The following INTS9 variants were observed in gnomAD, a reference collection of about 807,000 sequenced individuals.
The protein encoded by INTS9 is integrator complex subunit 9.
A neutral mutation model predicts 79.7 loss-of-function variants in INTS9; 55 were observed. The ratio of observed to expected loss-of-function variants is 0.69; its 90% confidence interval spans 0.56 to 0.86. The LOEUF (loss-of-function observed/expected upper bound fraction) is 0.86. Among genes scored for constraint, INTS9 ranks in the 40% least tolerant of loss-of-function variants. The pLI, the probability that INTS9 is intolerant of heterozygous loss-of-function variation, is 0.00. For missense variants in INTS9, 721 were observed against 831.5 expected (o/e 0.87, Z 1.64); for synonymous variants, 319 against 325.2 (o/e 0.98, Z 0.20).
rs76224608 is a variant in INTS9, at chr8:28,812,219, A to G, written c.744+108T>C. ...TACCTTGGCTAGAGAGTATCTGTAG[A>G]AAACCATATTTGGAAGATTTAAAAA... On this transcript the variant is annotated intron_variant, in intron 8 of 16. Coordinates refer to ENST00000521022, the MANE Select transcript of INTS9 (RefSeq NM_018250.4). 4.0e-3 allele frequency: 4,633 copies of G among 1,152,346 alleles called. 142 individuals carry two copies. The African/African-American group carries it at 0.064, about 16-fold the overall frequency. 71.4% of individuals were successfully genotyped at this position (1,152,346 alleles called of 1,614,324 possible). A position where few individuals can be genotyped will look rare whatever the true frequency, so the allele number is the denominator to read the frequency against.
At chr8:28,809,646 C>G (rs1461678512) in intron 8 of INTS9, among the ~76,000 whole-genome samples, 1 of 152,094 alleles carries the variant, frequency 6.6e-6, no homozygotes, top group Non-Finnish European at 1.5e-5. Context: ...TTGAACTAAG[C>G]AGGACAAATC....
intron 3 of INTS9, among the ~76,000 whole-genome samples, chr8:28,848,071 T>C (rs746168498): frequency 2.6e-5 from 4 of 152,236 alleles, no homozygotes; most frequent in Non-Finnish European, 5.9e-5. Flanking sequence ...TCTGCTACGA[T>C]GCCTCCTGAA....
At chr8:28,796,883 A>G (rs1804250274) in intron 8 of INTS9, 3 of 457,350 alleles carry the variant, frequency 6.6e-6, no homozygotes, top group South Asian at 3.7e-5. Context: ...CAAGTTCTGT[A>G]TCTTCACTGG....
At chr8:28,805,640 G>C (rs1804766311) in intron 8 of INTS9, among the ~76,000 whole-genome samples, 1 of 152,170 alleles carries the variant, frequency 6.6e-6, no homozygotes, top group Admixed American at 6.5e-5. Flanking sequence ...AGGGTATGAT[G>C]TGCAAAGGAA....
At chr8:28,796,293 G>C (rs1335114676) in intron 9 of INTS9, among the ~76,000 whole-genome samples, 2 of 152,218 alleles carry the variant, frequency 1.3e-5, no homozygotes, top group African/African-American at 2.4e-5. Flanking sequence ...CTGGGTGACA[G>C]AGAAGACTCT....
chr8:28,799,976 C>T (rs1804431350), intron 8 of INTS9, among the ~76,000 whole-genome samples: 1 of 152,194 alleles, frequency 6.6e-6, no homozygotes, highest in Non-Finnish European at 1.5e-5. Flanking sequence ...GCCTTTGGAA[C>T]ATCTCCCGGA....
At chr8:28,784,566 T>C (rs994439399) in intron 11 of INTS9, among the ~76,000 whole-genome samples, 24 of 152,234 alleles carry the variant, frequency 1.6e-4, no homozygotes, top group African/African-American at 5.5e-4. Flanking sequence ...AAACAGCAAT[T>C]ACATTTAAAG....
At chr8:28,813,690 C>T (rs1249835278) in intron 6 of INTS9, 78 bp from the exon 7 acceptor site, 1 of 1,498,524 alleles carries the variant, frequency 6.7e-7, no homozygotes, top group East Asian at 2.3e-5. Flanking sequence ...GTAATTTGTC[C>T]ATTTGATCCA....
intron 6 of INTS9, among the ~76,000 whole-genome samples, chr8:28,821,994 T>G (rs1456909026): frequency 3.3e-5 from 5 of 152,190 alleles, no homozygotes; most frequent in Admixed American, 3.3e-4. Flanking sequence ...CTCAAACTCC[T>G]GGACTCAAGC....
chr8:28,856,179 T>A (rs1370053854), intron 2 of INTS9, among the ~76,000 whole-genome samples: 1 of 152,142 alleles, frequency 6.6e-6, no homozygotes, highest in Non-Finnish European at 1.5e-5. Context: ...TGAAGAGAAG[T>A]GACTGGATTT....
chr8:28,864,193 A>C (rs1808607860), intron 1 of INTS9, among the ~76,000 whole-genome samples: 1 of 152,232 alleles, frequency 6.6e-6, no homozygotes, highest in African/African-American at 2.4e-5. Context: ...AAATAAAAAA[A>C]ATTAGCCAGG....
intron 16 of INTS9, among the ~76,000 whole-genome samples, chr8:28,768,573 C>T (rs887975511): frequency 1.3e-5 from 2 of 152,204 alleles, no homozygotes; most frequent in Non-Finnish European, 2.9e-5. Context: ...TTTGAGGGCA[C>T]GTCCAAGCAC....
Position 28,858,663 on chromosome 8 carries a change from G to A in INTS9, c.137+773C>T, listed in dbSNP as rs568329853. Among the ~76,000 whole-genome samples, 258 of 152,206 alleles carry A rather than the reference G, an allele frequency of 1.7e-3. 1 individual carries two copies. The highest frequency in any genetic ancestry group is 6.0e-3 in the African/African-American group (250 of 41,506). ...TGATAATTTTTCTAGATGGTTCATCGGGTTATCACTGTGAATAATCATTGT... is the reference window on the plus strand; with the variant it reads ...TGATAATTTTTCTAGATGGTTCATCAGGTTATCACTGTGAATAATCATTGT... On this transcript the variant is annotated intron_variant, in intron 2 of 16. Transcript: ENST00000521022.
At chr8:28,788,940 AAT>A (rs1412579945) in intron 10 of INTS9, among the ~76,000 whole-genome samples, 2 of 152,260 alleles carry the variant, frequency 1.3e-5, no homozygotes, top group East Asian at 3.8e-4. Flanking sequence ...CATTTAAAAA[AAT>A]AGTCACTACT....
intron 4 of INTS9, among the ~76,000 whole-genome samples, chr8:28,841,238 T>G (rs1325438826): frequency 6.6e-6 from 1 of 152,146 alleles, no homozygotes; most frequent in Non-Finnish European, 1.5e-5. Context: ...CAAGACAGTG[T>G]CCTCCTCATG....
intron 10 of INTS9, 98 bp from the exon 11 acceptor site, chr8:28,787,987 T>A (rs1212580780): frequency 1.5e-5 from 10 of 671,774 alleles, no homozygotes; most frequent in Middle Eastern, 2.5e-4. Context: ...ATACTGAAGT[T>A]TATTTAAAAA....
At chr8:28,864,619 C>T (rs1808635745) in intron 1 of INTS9, among the ~76,000 whole-genome samples, 1 of 151,994 alleles carries the variant, frequency 6.6e-6, no homozygotes, top group Non-Finnish European at 1.5e-5. Context: ...CTGAACAGTG[C>T]ATTATATTAT....
At chr8:28,775,681 A>G in intron 14 of INTS9, 78 bp downstream of exon 14, 1 of 1,461,028 alleles carries the variant, frequency 6.8e-7, no homozygotes, top group South Asian at 1.2e-5. Context: ...ATAAATCCAA[A>G]AGAAGGCCAC....
intron 13 of INTS9, 84 bp downstream of exon 13, chr8:28,777,745 A>C: frequency 1.4e-6 from 2 of 1,407,440 alleles, no homozygotes; most frequent in Non-Finnish European, 1.9e-6. Flanking sequence ...ACACAGCTAG[A>C]TCTCTCTCCC....
Sources: gnomAD v4.1 joint callset for allele counts (sites outside exome capture counted in the v4.1 genomes callset) on GRCh38, gnomAD v4.1.1 for gene constraint, MANE v1.5 for transcripts, NCBI Gene and HGNC (gene_info 2026-07-23, HGNC 2026-07-21) for gene names.